The following APCDD1 variants were observed in gnomAD, a reference collection of about 807,000 sequenced individuals.
APCDD1 encodes APC down-regulated 1, also known as protein APCDD1.
A neutral mutation model predicts 38.1 loss-of-function variants in APCDD1; 15 were observed. That is an observed-to-expected ratio of 0.39 (90% CI 0.26 to 0.61). The LOEUF (loss-of-function observed/expected upper bound fraction) is 0.61, where lower values mean the gene tolerates loss of function less well. Among genes scored for constraint, APCDD1 ranks in the 20% least tolerant of loss-of-function variants. APCDD1 has a pLI of 0.49. For synonymous variants in APCDD1, 261 were observed against 279.7 expected (o/e 0.93, Z 0.67); for missense variants, 647 against 696.2 (o/e 0.93, Z 0.79).
intron 1 of APCDD1, among the ~76,000 whole-genome samples, chr18:10,465,157 A>G (rs541270742): frequency 1.3e-5 from 2 of 152,266 alleles, no homozygotes; most frequent in African/African-American, 4.8e-5. Context: ...TCTTTTTCGT[A>G]CTTTAAGATC....
intron 1 of APCDD1, among the ~76,000 whole-genome samples, chr18:10,460,549 AAAAC>A (rs1406388303): frequency 1.3e-5 from 2 of 151,960 alleles, no homozygotes; most frequent in East Asian, 1.9e-4. Flanking sequence ...AAAAAAACAA[AAAAC>A]AAACAAGCAA....
chr18:10,487,103 A>G (rs556385705), intron 4 of APCDD1, among the ~76,000 whole-genome samples: 1 of 152,304 alleles, frequency 6.6e-6, no homozygotes, highest in South Asian at 2.1e-4. Context: ...TGCCTGATGT[A>G]TGGGCCCATA....
At chr18:10,477,585 C>T (rs559746129) in intron 3 of APCDD1, 1 of 152,326 alleles carries the variant, frequency 6.6e-6, no homozygotes, top group East Asian at 1.9e-4. Context: ...TATTTGTTGT[C>T]AGGGACAATG....
Position 10,472,065 on chromosome 18 carries a change from C to T in APCDD1, c.774+4C>T, listed in dbSNP as rs1285950423. ...GCCCCCTCTGCAGAATGCCAAGGTA[C>T]CTCAGAGCTCTGTGTTCTCCTCTTT... On this transcript the variant is annotated splice_donor_region_variant and intron_variant, in intron 3 of 4. Coordinates refer to ENST00000355285, the MANE Select transcript of APCDD1 (RefSeq NM_153000.5). The surrounding 1 kb of genome is among the most constrained non-coding windows in gnomAD (Gnocchi z 6.6). 1.9e-6 allele frequency: 3 copies of T among 1,613,290 alleles called. No individual in the cohort carries two copies. The highest frequency in any genetic ancestry group is 2.5e-6 in the Non-Finnish European group (3 of 1,180,040).
chr18:10,471,558 A>G lies in APCDD1; in HGVS notation c.271A>G (p.Ile91Val). ...GCEVRSGPEFITRSYRFYHNN... is the reference protein window; with the variant it reads ...GCEVRSGPEFVTRSYRFYHNN... ...TGAAGTAAGGTCAGGCCCAGAGTTC[A>G]TCACAAGGTCCTACAGATTCTACCA... The change falls in exon 3 of 5, where the codon ATC becomes GTC. Residue 91 changes from isoleucine to valine, a missense_variant. Coordinates refer to ENST00000355285, the MANE Select transcript of APCDD1 (RefSeq NM_153000.5). The surrounding 1 kb of genome is among the most constrained non-coding windows in gnomAD (Gnocchi z 5.5). 6.2e-7 allele frequency: 1 copy of G among 1,614,218 alleles called. No individual in the cohort carries two copies. The highest frequency in any genetic ancestry group is 8.5e-7 in the Non-Finnish European group (1 of 1,180,036).
chr18:10,485,509 C>T lies in APCDD1; in HGVS notation c.822C>T (p.Asp274=), dbSNP rs369608898. The change falls in exon 4 of 5, where the codon GAC becomes GAT. Residue 274 remains aspartate, a synonymous_variant. Coordinates refer to ENST00000355285, the MANE Select transcript of APCDD1 (RefSeq NM_153000.5). The surrounding 1 kb of genome is among the most constrained non-coding windows in gnomAD (Gnocchi z 5.8). ...CIACRIIYRS[D]EHHPPILPPK... Reference sequence around the variant, plus strand: ...CCTGTCGGATCATCTATCGGTCAGACGAGCACCACCCTCCCATCCTGCCCC... The same window carrying T: ...CCTGTCGGATCATCTATCGGTCAGATGAGCACCACCCTCCCATCCTGCCCC... 45 of 1,614,030 alleles carry T rather than the reference C, an allele frequency of 2.8e-5. No homozygotes were observed. The highest frequency in any genetic ancestry group is 4.5e-5 in the East Asian group (2 of 44,888).
At chr18:10,479,235 T>G (rs1165239718) in intron 3 of APCDD1, among the ~76,000 whole-genome samples, 1 of 152,198 alleles carries the variant, frequency 6.6e-6, no homozygotes, top group Non-Finnish European at 1.5e-5. Flanking sequence ...CATTTGTGTG[T>G]TTTTTATCCG....
Position 10,454,992 on chromosome 18 carries a change from C to A in APCDD1, c.11C>A (p.Pro4Gln). The A allele has an allele frequency of 6.4e-7, 1 of 1,555,178 alleles. No homozygotes were observed. The highest frequency in any genetic ancestry group is 1.9e-5 in the Admixed American group (1 of 52,740). The change falls in exon 1 of 5, where the codon CCG (proline) becomes CAG (glutamine). Residue 4 changes from proline (P) to glutamine (Q), a missense_variant. By Grantham distance (76) the Pro-to-Gln change is moderately conservative. Coordinates refer to ENST00000355285, the MANE Select transcript of APCDD1 (RefSeq NM_153000.5). ...AGAGCAGGACTGGAAATGTCCTGGC[C>A]GCGCCGCCTCCTGCTCAGATACCTG... Reference protein sequence around the residue: MSWPRRLLLRYLFP... With the variant: MSWQRRLLLRYLFP...
chr18:10,471,934 A>G lies in APCDD1; in HGVS notation c.647A>G (p.Lys216Arg). 1 of 1,614,138 alleles carries G rather than the reference A, an allele frequency of 6.2e-7. No homozygotes were observed. The change falls in exon 3 of 5, where the codon AAG becomes AGG. Residue 216 changes from lysine (K) to arginine (R), a missense_variant. By Grantham distance (26) the Lys-to-Arg change is conservative. Transcript: ENST00000355285. This position sits in a 1 kb window ranked among gnomAD's most constrained non-coding sequence, Gnocchi z 5.5. The stretch of plus-strand genomic sequence containing the variant: ...GAACTTCAGCTCATCCGGGTGGAGA[A>G]GCAGTACCTTCACCACAACCTCGAC... ...MHELQLIRVEKQYLHHNLDHL... is the reference protein window; with the variant it reads ...MHELQLIRVERQYLHHNLDHL...
At chr18:10,473,651 G>A (rs569324806) in intron 3 of APCDD1, among the ~76,000 whole-genome samples, 23 of 152,268 alleles carry the variant, frequency 1.5e-4, no homozygotes, top group African/African-American at 4.6e-4. Flanking sequence ...AAGGAGAATC[G>A]GCTCATAGGG....
rs180846103 is a variant in APCDD1 at position 10,469,077 on chromosome 18, A to G, written c.242+425A>G. On this transcript the variant is annotated intron_variant, in intron 2 of 4. Coordinates refer to ENST00000355285, the MANE Select transcript of APCDD1 (RefSeq NM_153000.5). This position sits in a 1 kb window ranked among gnomAD's most constrained non-coding sequence, Gnocchi z 5.5. ...TATATGGCTTCAGGGTTCTAAGAGT[A>G]AGTTAAAAGCTACCTCTACTAGCCA... 6.6e-6 allele frequency among the ~76,000 whole-genome samples: 1 copy of G among 152,372 alleles called. No homozygotes were observed. The highest frequency in any genetic ancestry group is 1.9e-4 in the East Asian group (1 of 5,196).
chr18:10,477,421 C>G (rs976478569), intron 3 of APCDD1: 4 of 152,088 alleles, frequency 2.6e-5, no homozygotes, highest in Admixed American at 2.0e-4. Context: ...TTATCTGGGC[C>G]GAGGTGTGCA....
At chr18:10,473,768 G>A (rs1049741996) in intron 3 of APCDD1, among the ~76,000 whole-genome samples, 1 of 152,148 alleles carries the variant, frequency 6.6e-6, no homozygotes, top group African/African-American at 2.4e-5. Context: ...CTTTCTGGTT[G>A]GCAGCACTGC....
At position 10,471,131 on chromosome 18, in the gene APCDD1, T is replaced by G. The variant is rs897385225; in HGVS notation, c.243-399T>G. On this transcript the variant is annotated intron_variant, in intron 2 of 4. Coordinates refer to ENST00000355285, the MANE Select transcript of APCDD1 (RefSeq NM_153000.5). This position sits in a 1 kb window ranked among gnomAD's most constrained non-coding sequence, Gnocchi z 5.5. ...TAGGCCAGCACAGCACTCATCCTCC[T>G]TATCCAGAAAGAAATGCCTGCACAG... 1.7e-4 allele frequency among the ~76,000 whole-genome samples: 26 copies of G among 152,232 alleles called. No homozygotes were observed. The highest frequency in any genetic ancestry group is 1.4e-3 in the Admixed American group (21 of 15,282).
At chr18:10,480,805 T>C (rs1032159463) in intron 3 of APCDD1, among the ~76,000 whole-genome samples, 1 of 151,186 alleles carries the variant, frequency 6.6e-6, no homozygotes, top group Non-Finnish European at 1.5e-5. Flanking sequence ...GAGGTGGAGG[T>C]TGCAGTGATC....
At position 10,475,233 on chromosome 18, in the gene APCDD1, C is replaced by A. The variant is rs1391753435; in HGVS notation, c.774+3172C>A. Among the ~76,000 whole-genome samples the A allele has an allele frequency of 6.6e-6, 1 of 152,178 alleles. No homozygotes were observed. Among genetic ancestry groups the A allele is most frequent in the Non-Finnish European group, 1.5e-5 (1 of 68,044 alleles). On this transcript the variant is annotated intron_variant, in intron 3 of 4. Coordinates refer to ENST00000355285, the MANE Select transcript of APCDD1 (RefSeq NM_153000.5). This position sits in a 1 kb window ranked among gnomAD's most constrained non-coding sequence, Gnocchi z 4.0. ...ATCAAAGTGTTTCATGATGCCTAGC[C>A]ATAAAACACTTCCTCCCATTTTCTC...
intron 1 of APCDD1, among the ~76,000 whole-genome samples, chr18:10,464,499 T>C (rs1201003806): frequency 3.9e-5 from 6 of 152,226 alleles, no homozygotes; most frequent in African/African-American, 1.4e-4. Context: ...CATAGCTCAC[T>C]GCAGCCTTGA....
At position 10,488,169 on chromosome 18, in the gene APCDD1, C is replaced by G; in HGVS notation, c.*131C>G. On this transcript the variant is annotated 3_prime_UTR_variant, in exon 5 of 5. Coordinates refer to ENST00000355285, the MANE Select transcript of APCDD1 (RefSeq NM_153000.5). ...AGAACTGTCCTTCTTTTTCTCCTCT[C>G]CCTCCCTCCCAGCCCCTGAGTCATG... The G allele has an allele frequency of 1.8e-6, 2 of 1,137,348 alleles. No homozygotes were observed. The highest frequency in any genetic ancestry group is 2.5e-6 in the Non-Finnish European group (2 of 796,050). 70.5% of individuals were successfully genotyped at this position (1,137,348 alleles called of 1,614,324 possible). A position where few individuals can be genotyped will look rare whatever the true frequency, so the allele number is the denominator to read the frequency against.
chr18:10,475,940 G>C lies in APCDD1; in HGVS notation c.774+3879G>C, dbSNP rs573534551. 4 of 152,438 alleles carry C rather than the reference G, an allele frequency of 2.6e-5. No individual in the cohort carries two copies. The East Asian group carries it at 7.7e-4, about 29-fold the overall frequency. 9.4% of individuals were successfully genotyped at this position (152,438 alleles called of 1,614,324 possible). On this transcript the variant is annotated intron_variant, in intron 3 of 4. Coordinates refer to ENST00000355285, the MANE Select transcript of APCDD1 (RefSeq NM_153000.5). The surrounding 1 kb of genome is among the most constrained non-coding windows in gnomAD (Gnocchi z 4.0). ...AGATCCTTCCCCAGGACAGCTCTGA[G>C]AAGGAACAAAATGGACTCAGCCATT...
Sources: allele counts gnomAD v4.1 joint callset (sites outside exome capture counted in the v4.1 genomes callset), GRCh38; gene constraint gnomAD v4.1.1; non-coding constraint Gnocchi (gnomAD v3.1); transcripts MANE v1.5; gene names NCBI Gene and HGNC (gene_info 2026-07-23, HGNC 2026-07-21).